SOS1: variants seen among roughly 807,000 people sequenced by gnomAD.
SOS1 encodes son of sevenless homolog 1.
A neutral mutation model predicts 157.6 loss-of-function variants in SOS1; 25 were observed. That is an observed-to-expected ratio of 0.16 (90% CI 0.12 to 0.22). The LOEUF (loss-of-function observed/expected upper bound fraction) is 0.22. SOS1 is among the 10% of genes least tolerant of loss of function. SOS1 has a pLI of 1.00. For missense variants in SOS1, 1,237 were observed against 1,599.1 expected (o/e 0.77, Z 3.86); for synonymous variants, 528 against 534.0 (o/e 0.99, Z 0.16).
intron 3 of SOS1, among the ~76,000 whole-genome samples, 187 bp downstream of exon 3, chr2:39,058,486 G>C (rs1671291681): frequency 6.6e-6 from 1 of 151,976 alleles, no homozygotes; most frequent in Non-Finnish European, 1.5e-5. Flanking sequence ...TTTAAATCAT[G>C]TTGCCCAGTT....
At chr2:38,998,507 T>G (rs896793216) in intron 17 of SOS1, among the ~76,000 whole-genome samples, 3 of 152,182 alleles carry the variant, frequency 2.0e-5, no homozygotes, top group Non-Finnish European at 4.4e-5. Flanking sequence ...CACCTTGGCC[T>G]CCCAAAGTGC....
At chr2:39,072,130 T>A (rs297129) in intron 1 of SOS1, among the ~76,000 whole-genome samples, 1 of 152,136 alleles carries the variant, frequency 6.6e-6, no homozygotes, top group Admixed American at 6.5e-5. Flanking sequence ...TCCCTGCTTG[T>A]ATGGTCCTTA....
rs1425390621 is a variant in SOS1, at chr2:39,006,662, AT to A, written c.2674-134del. 1,047 of 691,872 alleles carry A rather than the reference AT, an allele frequency of 1.5e-3. 11 individuals are homozygous for A. The highest frequency in any genetic ancestry group is 4.7e-4 in the Non-Finnish European group (182 of 388,040). The allele number at this position is 691,872 out of a possible 1,614,324, so 42.9% of individuals were successfully genotyped here. A position where few individuals can be genotyped will look rare whatever the true frequency, so the allele number is the denominator to read the frequency against. ...TTATGACTGTAACATTGCTTCAAAT[AT>A]TGCTTCAAATAAATTATCTTCATAG... On this transcript the variant is annotated intron_variant, in intron 16 of 22. Transcript: ENST00000402219.
At chr2:39,060,196 G>C (rs953089658) in intron 2 of SOS1, among the ~76,000 whole-genome samples, 1 of 151,992 alleles carries the variant, frequency 6.6e-6, no homozygotes, top group Non-Finnish European at 1.5e-5. Context: ...TATAGTGATG[G>C]GTTTAACCCA....
At chr2:39,073,213 G>A (rs1017350025) in intron 1 of SOS1, among the ~76,000 whole-genome samples, 2 of 152,202 alleles carry the variant, frequency 1.3e-5, no homozygotes, top group African/African-American at 4.8e-5. Context: ...CAGAAGCCAT[G>A]TACAGCTGAT....
At chr2:38,995,546 A>G (rs1247029403) in intron 19 of SOS1, among the ~76,000 whole-genome samples, 159 bp from the exon 20 acceptor site, 1 of 152,266 alleles carries the variant, frequency 6.6e-6, no homozygotes, top group Non-Finnish European at 1.5e-5. Context: ...TTAAAGCATT[A>G]ACATTCTATT....
intron 1 of SOS1, among the ~76,000 whole-genome samples, chr2:39,108,373 C>T (rs1673283621): frequency 6.6e-6 from 1 of 152,154 alleles, no homozygotes; most frequent in African/African-American, 2.4e-5. Context: ...CAGTTGCTCC[C>T]CACTGCTGAC....
At chr2:39,030,564 A>G (rs1670124943) in intron 8 of SOS1, among the ~76,000 whole-genome samples, 2 of 152,148 alleles carry the variant, frequency 1.3e-5, no homozygotes, top group East Asian at 1.9e-4. Flanking sequence ...AGCGAGACCT[A>G]TCTCTAAAAA....
At chr2:39,067,541 A>G (rs887102525) in intron 2 of SOS1, 87 bp downstream of exon 2, 1 of 1,192,208 alleles carries the variant, frequency 8.4e-7, no homozygotes, top group African/African-American at 1.5e-5. Context: ...ATATATATAG[A>G]GAGAGCAAAT....
chr2:39,121,928 T>G (rs991123611), upstream of SOS1, among the ~76,000 whole-genome samples: 3 of 152,222 alleles, frequency 2.0e-5, no homozygotes, highest in African/African-American at 7.2e-5. Flanking sequence ...ATCATCTCAT[T>G]TAATCCCCAT....
chr2:39,011,826 G>T (rs1462442897), intron 14 of SOS1, among the ~76,000 whole-genome samples: 1 of 152,118 alleles, frequency 6.6e-6, no homozygotes, highest in East Asian at 1.9e-4. Context: ...AAAATAAGGG[G>T]CAGAAGGATA....
At position 38,985,567 on chromosome 2, in the gene SOS1, A is replaced by G; in HGVS notation, c.*257T>C. ...GAGGACTCCTGCCTATTGGCCAGAA[A>G]AAGTCCCTTTATGATTTTCAGGTGC... On this transcript the variant is annotated 3_prime_UTR_variant, in exon 23 of 23. Coordinates refer to ENST00000402219, the MANE Select transcript of SOS1 (RefSeq NM_005633.4). 1 of 455,122 alleles carries G rather than the reference A, an allele frequency of 2.2e-6. No individual in the cohort carries two copies. The highest frequency in any genetic ancestry group is 2.2e-5 in the South Asian group (1 of 45,490). The allele number at this position is 455,122 out of a possible 1,614,324, so 28.2% of individuals were successfully genotyped here. A position where few individuals can be genotyped will look rare whatever the true frequency, so the allele number is the denominator to read the frequency against.
chr2:39,085,124 C>A (rs561815135), intron 1 of SOS1, among the ~76,000 whole-genome samples: 1 of 152,284 alleles, frequency 6.6e-6, no homozygotes, highest in South Asian at 2.1e-4. Flanking sequence ...CAGCTCACTG[C>A]AGCCTTGACC....
At chr2:39,097,037 G>A (rs911644392) in intron 1 of SOS1, among the ~76,000 whole-genome samples, 38 of 152,218 alleles carry the variant, frequency 2.5e-4, no homozygotes, top group African/African-American at 8.9e-4. Flanking sequence ...TCTCTATGAG[G>A]GATGGGAAGA....
At chr2:39,086,226 A>G (rs1672363385) in intron 1 of SOS1, among the ~76,000 whole-genome samples, 1 of 152,248 alleles carries the variant, frequency 6.6e-6, no homozygotes, top group Admixed American at 6.5e-5. Flanking sequence ...AATTTAGGTG[A>G]AAAGTATATT....
intron 1 of SOS1, among the ~76,000 whole-genome samples, chr2:39,115,278 G>C (rs1400986424): frequency 6.6e-6 from 1 of 151,862 alleles, no homozygotes; most frequent in Non-Finnish European, 1.5e-5. Flanking sequence ...GCACTAGTTT[G>C]CACCTTCTAG....
At chr2:39,096,024 C>T (rs1427277877) in intron 1 of SOS1, among the ~76,000 whole-genome samples, 5 of 152,046 alleles carry the variant, frequency 3.3e-5, no homozygotes, top group South Asian at 2.1e-4. Context: ...AAAGAAACAA[C>T]ACAGATCATC....
intron 2 of SOS1, among the ~76,000 whole-genome samples, chr2:39,063,282 T>C (rs1671474218): frequency 6.6e-6 from 1 of 152,106 alleles, no homozygotes; most frequent in Admixed American, 6.6e-5. Flanking sequence ...GCCACTACAC[T>C]TCGCAACATT....
At position 39,103,703 on chromosome 2, in the gene SOS1, A is replaced by AG. The variant is rs533842879; in HGVS notation, c.87+16632dup. On this transcript the variant is annotated intron_variant, in intron 1 of 22. Coordinates refer to ENST00000402219, the MANE Select transcript of SOS1 (RefSeq NM_005633.4). ...CCATAAATCTCTTAGAAGAAAACAT[A>AG]GGGGCAAATCCTCATGACCTTGGAT... Among the ~76,000 whole-genome samples, 280 of 152,338 alleles carry AG rather than the reference A, an allele frequency of 1.8e-3. 1 individual carries two copies. In the South Asian group the frequency reaches 0.037, roughly 20 times the overall value.
Sources: gnomAD v4.1 joint callset for allele counts (sites outside exome capture counted in the v4.1 genomes callset) on GRCh38, gnomAD v4.1.1 for gene constraint, MANE v1.5 for transcripts, NCBI Gene and HGNC (gene_info 2026-07-23, HGNC 2026-07-21) for gene names.